The following LACRT variants were observed in gnomAD, a reference collection of about 807,000 sequenced individuals.
LACRT encodes the protein extracellular glycoprotein lacritin.
In LACRT, 14 loss-of-function variants were observed where a neutral mutation model predicts 14.5. That is an observed-to-expected ratio of 0.96 (90% confidence interval 0.64 to 1.51). The LOEUF is 1.51. LACRT is among the 40% of genes most tolerant of loss of function. LACRT has a pLI of 0.00. For synonymous variants in LACRT, 70 were observed against 63.5 expected, an observed-to-expected ratio of 1.10 and a Z score of -0.48; for missense variants, 156 against 161.8, an observed-to-expected ratio of 0.96 and a Z score of 0.19.
intron 2 of LACRT, 79 bp from the exon 3 acceptor site, chr12:54,632,460 T>G: frequency 6.6e-7 from 1 of 1,526,612 alleles, no homozygotes; most frequent in South Asian, 1.2e-5. Flanking sequence ...GGCCCCAGGA[T>G]ACCTAATGTG....
chr12:54,631,883 C>A (rs1342232924), intron 3 of LACRT, 44 bp from the exon 4 acceptor site: 2 of 1,421,360 alleles, frequency 1.4e-6, no homozygotes, highest in Admixed American at 3.4e-5. Context: ...AAAATCACCT[C>A]ATTTAAAGAG....
intron 1 of LACRT, among the ~76,000 whole-genome samples, chr12:54,633,916 T>C (rs1958170077): frequency 6.6e-6 from 1 of 152,062 alleles, no homozygotes; most frequent in Non-Finnish European, 1.5e-5. Flanking sequence ...GAAAAATCAT[T>C]GGCCAGGTGA....
chr12:54,631,063 GA>G lies in LACRT; in HGVS notation c.356-111del, dbSNP rs1958149497. 3 of 719,672 alleles carry G rather than the reference GA, an allele frequency of 4.2e-6. No homozygotes were observed. The African/African-American group carries it at 5.3e-5, about 13-fold the overall frequency. 44.6% of individuals were successfully genotyped at this position (719,672 alleles called of 1,614,324 possible). On this transcript the variant is annotated intron_variant, in intron 4 of 4. Transcript: ENST00000257867. ...GCTTTCCAGACTTACTGAGACTCTG[GA>G]GAGGCTTACACAGAAGTTGGAGGGA...
Position 54,632,390 on chromosome 12 carries a change from G to A in LACRT, c.113-9C>T, listed in dbSNP as rs1156776639. 5.0e-6 allele frequency: 8 copies of A among 1,612,550 alleles called. No homozygotes were observed. Among genetic ancestry groups the A allele is most frequent in the Non-Finnish European group, 5.9e-6 (7 of 1,179,298 alleles). ...CTCTTCATTAGGCTTAGCTGTGAAT[G>A]CACAAATTGATGGATTTTAGCAAAG... On this transcript the variant is annotated splice_polypyrimidine_tract_variant and intron_variant, in intron 2 of 4. Coordinates refer to ENST00000257867, the MANE Select transcript of LACRT (RefSeq NM_033277.2).
rs1958178043 is a variant in LACRT, at chr12:54,634,879, C to T, written c.-38G>A. ...GGAGTGAGTATAACCACAGAATCTG[C>T]AGAAGGTCTGGGGAATAAGGATGCT... On this transcript the variant is annotated 5_prime_UTR_variant, in exon 1 of 5. Coordinates refer to ENST00000257867, the MANE Select transcript of LACRT (RefSeq NM_033277.2). 1 of 1,548,134 alleles carries T rather than the reference C, an allele frequency of 6.5e-7. No individual in the cohort carries two copies. The highest frequency in any genetic ancestry group is 1.4e-5 in the African/African-American group (1 of 73,434).
intron 2 of LACRT, 138 bp downstream of exon 2, chr12:54,633,042 T>C: frequency 1.2e-6 from 1 of 849,094 alleles, no homozygotes; most frequent in Non-Finnish European, 2.0e-6. Flanking sequence ...CTTTATTATA[T>C]TACCTGCCCC....
chr12:54,631,898 C>G, intron 3 of LACRT, 59 bp from the exon 4 acceptor site: 1 of 1,223,006 alleles, frequency 8.2e-7, no homozygotes, highest in South Asian at 1.2e-5. Flanking sequence ...AAAGAGAACT[C>G]TGCATTGCCC....
chr12:54,631,013 T>C (rs1958149186), intron 4 of LACRT, 60 bp from the exon 5 acceptor site: 1 of 1,011,492 alleles, frequency 9.9e-7, no homozygotes, highest in African/African-American at 1.6e-5. Context: ...CTCCACCCCT[T>C]CCATTTCTCC....
chr12:54,631,678 C>G, intron 4 of LACRT, 60 bp downstream of exon 4: 1 of 1,262,310 alleles, frequency 7.9e-7, no homozygotes, highest in Non-Finnish European at 1.2e-6. Context: ...TATCCCACCC[C>G]CGGATGGTGG....
chr12:54,632,225 A>G lies in LACRT; in HGVS notation c.253+16T>C, dbSNP rs747242701. The G allele has an allele frequency of 3.8e-5, 61 of 1,613,696 alleles. No homozygotes were observed. The East Asian group carries it at 1.3e-3, about 35-fold the overall frequency. On this transcript the variant is annotated intron_variant, in intron 3 of 4. Transcript: ENST00000257867. ...CTTTTCTAGGTTGTTGATCTGGCAT[A>G]GAGACAGAGACTTACTCAGGGGGTT... is the stretch of plus-strand genomic sequence containing the variant.
At chr12:54,634,186 C>A (rs1041801474) in intron 1 of LACRT, among the ~76,000 whole-genome samples, 4 of 152,040 alleles carry the variant, frequency 2.6e-5, no homozygotes, top group African/African-American at 9.7e-5. Flanking sequence ...AACACCGTCT[C>A]TACTAAAAAT....
At chr12:54,633,115 A>G (rs967704100) in intron 2 of LACRT, 65 bp downstream of exon 2, 15 of 1,494,132 alleles carry the variant, frequency 1.0e-5, no homozygotes, top group African/African-American at 1.4e-5. Flanking sequence ...CCCAGCCACC[A>G]CTCACATCCC....
At chr12:54,633,096 G>A in intron 2 of LACRT, 84 bp downstream of exon 2, 2 of 1,306,428 alleles carry the variant, frequency 1.5e-6, no homozygotes, top group Middle Eastern at 3.6e-4. Flanking sequence ...CCTCCCACTG[G>A]CTTCTTCTCC....
chr12:54,631,778 T>G lies in LACRT; in HGVS notation c.315A>C (p.Gly105=). The change falls in exon 4 of 5, where the codon GGA becomes GGC. Residue 105 remains glycine (G), a synonymous_variant. Transcript: ENST00000257867. Reference sequence around the variant, plus strand: ...TTCCACCTGGCACGCCTCCGTGCATTCCTTTTCCTGCTTTTGCAAGGGCTT... The same window carrying G: ...TTCCACCTGGCACGCCTCCGTGCATGCCTTTTCCTGCTTTTGCAAGGGCTT... The part of the protein sequence containing the change: ...TEQALAKAGK[G]MHGGVPGGKQ... The G allele has an allele frequency of 6.2e-7, 1 of 1,614,164 alleles. No individual in the cohort carries two copies. Among genetic ancestry groups the G allele is most frequent in the South Asian group, 1.1e-5 (1 of 91,082 alleles).
rs748199357 is a variant in LACRT, at chr12:54,631,887, T to G, written c.254-48A>C. The G allele has an allele frequency of 2.3e-6, 3 of 1,333,080 alleles. No homozygotes were observed. In the African/African-American group the frequency reaches 4.3e-5, roughly 19 times the overall value. 82.6% of individuals were successfully genotyped at this position (1,333,080 alleles called of 1,614,324 possible). A position where few individuals can be genotyped will look rare whatever the true frequency, so the allele number is the denominator to read the frequency against. On this transcript the variant is annotated intron_variant, in intron 3 of 4. Coordinates refer to ENST00000257867, the MANE Select transcript of LACRT (RefSeq NM_033277.2). The stretch of plus-strand genomic sequence containing the variant: ...ACATCAGCAGAAAAATCACCTCATT[T>G]AAAGAGAACTCTGCATTGCCCCACC...
intron 1 of LACRT, 73 bp downstream of exon 1, chr12:54,634,711 G>C (rs1187254019): frequency 7.6e-7 from 1 of 1,322,810 alleles, no homozygotes; most frequent in African/African-American, 1.4e-5. Context: ...GGAGGAGAGG[G>C]GTGAAGGCAG....
chr12:54,632,529 A>G lies in LACRT; in HGVS notation c.113-148T>C, dbSNP rs542686046. Reference sequence around the variant, plus strand: ...TAAACGCTGCCCCCTTAAGGGAGATAGCATTTCTGCATGCTGTGTGTCTCT... The same window carrying G: ...TAAACGCTGCCCCCTTAAGGGAGATGGCATTTCTGCATGCTGTGTGTCTCT... On this transcript the variant is annotated intron_variant, in intron 2 of 4. Transcript: ENST00000257867. 75 of 922,176 alleles carry G rather than the reference A, an allele frequency of 8.1e-5. No individual in the cohort carries two copies. The African/African-American group carries it at 1.1e-3, about 14-fold the overall frequency. 57.1% of individuals were successfully genotyped at this position (922,176 alleles called of 1,614,324 possible).
intron 1 of LACRT, among the ~76,000 whole-genome samples, chr12:54,634,250 G>A (rs1186759385): frequency 6.6e-6 from 1 of 151,690 alleles, no homozygotes; most frequent in Non-Finnish European, 1.5e-5. Flanking sequence ...TACCCAGGAG[G>A]CTGAGGCAAG....
chr12:54,631,710 A>G (rs1958152638), intron 4 of LACRT, 28 bp downstream of exon 4: 3 of 1,546,496 alleles, frequency 1.9e-6, no homozygotes, highest in African/African-American at 2.7e-5. Flanking sequence ...TCTCATTCCC[A>G]CAAAGCCTTG....
Sources: gnomAD v4.1 joint callset for allele counts (sites outside exome capture counted in the v4.1 genomes callset) on GRCh38, gnomAD v4.1.1 for gene constraint, MANE v1.5 for transcripts, NCBI Gene and HGNC (gene_info 2026-07-23, HGNC 2026-07-21) for gene names.